PUM2: variants seen among roughly 807,000 people sequenced by gnomAD.
PUM2 encodes the protein pumilio homolog 2.
In PUM2, 57 loss-of-function variants were observed where a neutral mutation model predicts 124.5. The ratio of observed to expected loss-of-function variants is 0.46; its 90% CI spans 0.37 to 0.57. The LOEUF (loss-of-function observed/expected upper bound fraction) is 0.57, where lower values mean the gene tolerates loss of function less well. PUM2 is among the 20% of genes least tolerant of loss of function. PUM2 has a pLI of 0.00. For missense variants in PUM2, 1,065 were observed against 1,290.6 expected (o/e 0.83, Z 2.68); for synonymous variants, 460 against 446.1 (o/e 1.03, Z -0.39).
At chr2:20,330,910 G>A (rs893620681) in intron 1 of PUM2, among the ~76,000 whole-genome samples, 8 of 152,218 alleles carry the variant, frequency 5.3e-5, no homozygotes, top group South Asian at 2.1e-4. Context: ...GTTAGACGAC[G>A]CCCAGCTGGT....
chr2:20,327,681 A>G (rs1490279075), intron 1 of PUM2, among the ~76,000 whole-genome samples: 1 of 152,228 alleles, frequency 6.6e-6, no homozygotes, highest in African/African-American at 2.4e-5. Context: ...AAGGAGTAGC[A>G]CAGAGTAAGG....
At chr2:20,341,372 G>A (rs1573019185) in intron 1 of PUM2, among the ~76,000 whole-genome samples, 1 of 152,062 alleles carries the variant, frequency 6.6e-6, no homozygotes, top group African/African-American at 2.4e-5. Context: ...CAATGAGCCA[G>A]TACAAAAATT....
chr2:20,285,923 A>G (rs1026387971), intron 10 of PUM2, among the ~76,000 whole-genome samples: 1 of 152,158 alleles, frequency 6.6e-6, no homozygotes, highest in Middle Eastern at 3.2e-3. Context: ...ATGACATATG[A>G]GGAAAAATCT....
intron 2 of PUM2, among the ~76,000 whole-genome samples, chr2:20,325,233 T>G (rs1294314783): frequency 6.6e-6 from 1 of 152,134 alleles, no homozygotes; most frequent in Non-Finnish European, 1.5e-5. Flanking sequence ...GTGCTTAAAC[T>G]GTTAAGAAAT....
At chr2:20,255,495 T>A (rs1179100186) in intron 17 of PUM2, among the ~76,000 whole-genome samples, 154 bp from the exon 18 acceptor site, 2 of 151,040 alleles carry the variant, frequency 1.3e-5, no homozygotes, top group Non-Finnish European at 2.9e-5. Context: ...ACTACCACCA[T>A]GTTAGAAAAG....
rs544699955 is a variant in PUM2 at position 20,249,220 on chromosome 2, A to G, written c.*2365T>C. On this transcript the variant is annotated 3_prime_UTR_variant, in exon 21 of 21. Coordinates refer to ENST00000361078, the MANE Select transcript of PUM2 (RefSeq NM_015317.5). Reference sequence around the variant, plus strand: ...CAACAGAGGGCAAGGATGAAGGAAGACTAGGAATTCAACTGTACAAAGACA... The same window carrying G: ...CAACAGAGGGCAAGGATGAAGGAAGGCTAGGAATTCAACTGTACAAAGACA... 1.3e-5 allele frequency: 2 copies of G among 152,388 alleles called. No homozygotes were observed. Among genetic ancestry groups the G allele is most frequent in the South Asian group, 4.1e-4 (2 of 4,832 alleles). 9.4% of individuals were successfully genotyped at this position (152,388 alleles called of 1,614,324 possible).
chr2:20,312,846 G>C (rs1679953136), intron 3 of PUM2, among the ~76,000 whole-genome samples: 1 of 152,176 alleles, frequency 6.6e-6, no homozygotes, highest in Non-Finnish European at 1.5e-5. Context: ...AACCAAGACA[G>C]CATGGTACTG....
At chr2:20,286,851 A>G (rs868212230) in intron 10 of PUM2, among the ~76,000 whole-genome samples, 1 of 152,112 alleles carries the variant, frequency 6.6e-6, no homozygotes, top group African/African-American at 2.4e-5. Flanking sequence ...TTTCACTGTA[A>G]TTCTGTTCAA....
At chr2:20,332,282 A>AGTGAGTGTGTGTGTGTGT in intron 1 of PUM2, among the ~76,000 whole-genome samples, 1 of 145,448 alleles carries the variant, frequency 6.9e-6, no homozygotes, top group Non-Finnish European at 1.5e-5. Flanking sequence ...ATACTACTAG[A>AGTGAGTGTGTGTGTGTGT]GTGTGTGTGT....
At position 20,251,450 on chromosome 2, in the gene PUM2, G is replaced by T; in HGVS notation, c.*135C>A. The stretch of plus-strand genomic sequence containing the variant: ...AAGAACCTTAAAAAATTTACAAATG[G>T]ATGAATAAAGTCAATAAATAGTTTT... On this transcript the variant is annotated 3_prime_UTR_variant, in exon 21 of 21. Transcript: ENST00000361078. The T allele has an allele frequency of 5.5e-6, 6 of 1,088,988 alleles. No homozygotes were observed. Among genetic ancestry groups the T allele is most frequent in the Non-Finnish European group, 7.7e-6 (6 of 781,846 alleles). 67.5% of individuals were successfully genotyped at this position (1,088,988 alleles called of 1,614,324 possible).
Position 20,320,655 on chromosome 2 carries a change from T to A in PUM2, c.52-2010A>T, listed in dbSNP as rs535970271. ...CTGGGCTGTAAATGACTGGTATTTA[T>A]AAAGAGCAGACATTTTAAACAATAA... On this transcript the variant is annotated intron_variant, in intron 2 of 20. Transcript: ENST00000361078. 1.4e-3 allele frequency among the ~76,000 whole-genome samples: 210 copies of A among 152,218 alleles called. 2 individuals are homozygous for A. Among genetic ancestry groups the A allele is most frequent in the African/African-American group, 4.9e-3 (205 of 41,550 alleles).
At chr2:20,308,610 T>C in intron 5 of PUM2, 26 bp from the exon 6 acceptor site, 1 of 1,564,178 alleles carries the variant, frequency 6.4e-7, no homozygotes. Context: ...AGAAAAGCAT[T>C]ATGAATAAAA....
intron 13 of PUM2, among the ~76,000 whole-genome samples, chr2:20,276,941 C>A (rs1025005000): frequency 1.3e-5 from 2 of 152,060 alleles, no homozygotes; most frequent in Non-Finnish European, 2.9e-5. Flanking sequence ...AGAATTCCTT[C>A]CCTAAGCATC....
In PUM2 at chr2:20,251,633, A is replaced by G; in HGVS notation, c.3147T>C (p.Asn1049=). 6.2e-7 allele frequency: 1 copy of G among 1,613,888 alleles called. No homozygotes were observed. Among genetic ancestry groups the G allele is most frequent in the South Asian group, 1.1e-5 (1 of 91,070 alleles). The change falls in exon 21 of 21, where the codon AAT becomes AAC. Residue 1049 remains asparagine, a synonymous_variant. Transcript: ENST00000361078. ...LAKLEKYYLK[N]SPDLGPIGGP... is the part of the protein sequence containing the mutation. The stretch of plus-strand genomic sequence containing the variant: ...CTCCAATAGGTCCTAGGTCCGGGCT[A>G]TTCTTCAAATAATACTTTTCCAACT...
chr2:20,255,168 C>T, intron 18 of PUM2, 48 bp downstream of exon 18: 1 of 1,542,886 alleles, frequency 6.5e-7, no homozygotes, highest in Non-Finnish European at 8.9e-7. Context: ...AAAATTAAAA[C>T]AATTTCCAAA....
chr2:20,347,017 TAC>T (rs2149156941), intron 1 of PUM2, among the ~76,000 whole-genome samples: 1 of 152,354 alleles, frequency 6.6e-6, no homozygotes, highest in Admixed American at 6.5e-5. Context: ...ACTTGCCAGC[TAC>T]AGTGATATGC....
chr2:20,271,540 C>T (rs905526661), intron 13 of PUM2, among the ~76,000 whole-genome samples: 1 of 152,126 alleles, frequency 6.6e-6, no homozygotes, highest in African/African-American at 2.4e-5. Flanking sequence ...TCTCGAACTC[C>T]TGAGCTCAAG....
chr2:20,256,249 TA>T, intron 16 of PUM2, 79 bp from the exon 17 acceptor site: 1 of 1,280,310 alleles, frequency 7.8e-7, no homozygotes, highest in South Asian at 1.7e-5. Context: ...TATTAAAAAT[TA>T]AAAATATTAA....
chr2:20,330,249 C>T lies in PUM2; in HGVS notation c.-18-2871G>A, dbSNP rs926769550. On this transcript the variant is annotated intron_variant, in intron 1 of 20. Coordinates refer to ENST00000361078, the MANE Select transcript of PUM2 (RefSeq NM_015317.5). ...GGAAAATATCACCTTAGAATAAAGG[C>T]TGAAAATGTAATACTGTAAAACGTA... Among the ~76,000 whole-genome samples, 4 of 152,250 alleles carry T rather than the reference C, an allele frequency of 2.6e-5. No homozygotes were observed. The East Asian group carries it at 7.7e-4, about 29-fold the overall frequency.
Sources: allele counts gnomAD v4.1 joint callset (sites outside exome capture counted in the v4.1 genomes callset), GRCh38; gene constraint gnomAD v4.1.1; transcripts MANE v1.5; gene names NCBI Gene and HGNC (gene_info 2026-07-23, HGNC 2026-07-21).